The following EARS2 variants were observed in gnomAD, a reference collection of about 807,000 sequenced individuals.
EARS2 encodes glutamyl-tRNA synthetase 2, mitochondrial.
Under a neutral mutation model 54.1 loss-of-function variants are expected in EARS2, and 50 were observed. The observed-to-expected ratio is 0.92, with a 90% confidence interval of 0.74 to 1.17. EARS2 has a LOEUF of 1.17. Ranked by LOEUF, EARS2 falls within the 50% of genes most tolerant of loss-of-function variation. The pLI is 0.00. For synonymous variants in EARS2, 298 were observed against 281.0 expected, an observed-to-expected ratio of 1.06 and a Z score of -0.61; for missense variants, 673 against 675.0, an observed-to-expected ratio of 1.00 and a Z score of 0.03.
intron 8 of EARS2, chr16:23,524,896 A>G (rs1965199147): frequency 6.3e-6 from 3 of 476,590 alleles, no homozygotes; most frequent in Non-Finnish European, 3.7e-6. Flanking sequence ...CCACCTGCCT[A>G]GGCCTCCCAA....
In EARS2 at chr16:23,524,248, T is replaced by C. The variant is rs1965186587; in HGVS notation, c.*123A>G. ...TGCACTTGTGTGCAGTCAGAGATTGTTTCCACTCTTAGTTCCTTCAGCAAA... is the reference window on the plus strand; with the variant it reads ...TGCACTTGTGTGCAGTCAGAGATTGCTTCCACTCTTAGTTCCTTCAGCAAA... On this transcript the variant is annotated 3_prime_UTR_variant, in exon 9 of 9. Coordinates refer to ENST00000449606, the MANE Select transcript of EARS2 (RefSeq NM_001083614.2). The C allele has an allele frequency of 1.2e-6, 1 of 803,958 alleles. No individual in the cohort carries two copies. The highest frequency in any genetic ancestry group is 2.1e-6 in the Non-Finnish European group (1 of 467,548). 49.8% of individuals were successfully genotyped at this position (803,958 alleles called of 1,614,324 possible).
At chr16:23,542,240 C>T (rs144008877) in intron 3 of EARS2, among the ~76,000 whole-genome samples, 11 of 152,054 alleles carry the variant, frequency 7.2e-5, no homozygotes, top group Admixed American at 7.2e-4. Flanking sequence ...GTGATCTGCC[C>T]ACCTCCGCCC....
chr16:23,521,452 T>G lies in EARS2; in HGVS notation c.*2919A>C, dbSNP rs943631042. ...TCTTGCTCTGTTGCCCAGGTTAGAG[T>G]GCAGTAGTGCATTCATAGCTCACTG... On this transcript the variant is annotated 3_prime_UTR_variant, in exon 9 of 9. Coordinates refer to ENST00000449606, the MANE Select transcript of EARS2 (RefSeq NM_001083614.2). 6.6e-6 allele frequency among the ~76,000 whole-genome samples: 1 copy of G among 152,040 alleles called. No homozygotes were observed. The highest frequency in any genetic ancestry group is 1.5e-5 in the Non-Finnish European group (1 of 68,004).
At position 23,522,663 on chromosome 16, in the gene EARS2, C is replaced by T. The variant is rs1262742569; in HGVS notation, c.*1708G>A. On this transcript the variant is annotated 3_prime_UTR_variant, in exon 9 of 9. Transcript: ENST00000449606. The stretch of plus-strand genomic sequence containing the variant: ...CAAACTCTGTAATCGCCTTTCCACT[C>T]CCCTGGACAAAATAAATATATTGTC... 6.6e-6 allele frequency: 1 copy of T among 152,124 alleles called. No homozygotes were observed. The highest frequency in any genetic ancestry group is 2.4e-5 in the African/African-American group (1 of 41,412). 9.4% of individuals were successfully genotyped at this position (152,124 alleles called of 1,614,324 possible).
chr16:23,532,358 CATA>C (rs1567380543), intron 5 of EARS2, among the ~76,000 whole-genome samples: 1 of 152,104 alleles, frequency 6.6e-6, no homozygotes, highest in Non-Finnish European at 1.5e-5. Context: ...TGGCTAGGAA[CATA>C]ATGTTAATGA....
intron 7 of EARS2, 114 bp downstream of exon 7, chr16:23,529,388 T>C (rs748104284): frequency 7.4e-7 from 1 of 1,356,280 alleles, no homozygotes; most frequent in South Asian, 1.4e-5. Flanking sequence ...ACTTCTTCAC[T>C]GGCCATGGAG....
intron 2 of EARS2, among the ~76,000 whole-genome samples, chr16:23,547,958 C>T (rs1377691558): frequency 3.3e-5 from 5 of 151,790 alleles, no homozygotes; most frequent in African/African-American, 1.2e-4. Flanking sequence ...TAGCCAGGCG[C>T]GGTGGCTCAC....
chr16:23,526,970 A>T (rs1024347447), intron 7 of EARS2, among the ~76,000 whole-genome samples: 11 of 138,958 alleles, frequency 7.9e-5, no homozygotes, highest in African/African-American at 2.8e-4. Context: ...ATAATTAATT[A>T]TTTTTTTTTT....
chr16:23,531,587 A>C (rs1597010863), intron 5 of EARS2, among the ~76,000 whole-genome samples: 2 of 152,206 alleles, frequency 1.3e-5, no homozygotes, highest in African/African-American at 4.8e-5. Context: ...TAACCTCTCT[A>C]TGTCCTGGGT....
intron 2 of EARS2, among the ~76,000 whole-genome samples, chr16:23,548,233 C>CAATAAATAAATAAATA (rs10687580): frequency 1.4e-4 from 19 of 135,420 alleles, no homozygotes; most frequent in East Asian, 6.7e-4. Context: ...GACTCCATCT[C>CAATAAATAAATAAATA]AATAAATAAA....
intron 3 of EARS2, 42 bp downstream of exon 3, chr16:23,544,472 C>A (rs1245866849): frequency 1.9e-6 from 3 of 1,585,252 alleles, no homozygotes; most frequent in Non-Finnish European, 2.6e-6. Context: ...AACAAACACA[C>A]CCAATGTTGA....
At chr16:23,538,770 G>C (rs553119348) in intron 3 of EARS2, among the ~76,000 whole-genome samples, 54 of 152,156 alleles carry the variant, frequency 3.5e-4, no homozygotes, top group African/African-American at 1.2e-3. Flanking sequence ...GACTGAAGCA[G>C]GATTGCTTGA....
At chr16:23,531,119 G>A (rs1358385525) in intron 5 of EARS2, among the ~76,000 whole-genome samples, 3 of 148,410 alleles carry the variant, frequency 2.0e-5, no homozygotes, top group East Asian at 2.0e-4. Flanking sequence ...GGCTGATCTC[G>A]ACTCCTGACT....
At chr16:23,542,665 T>C (rs1460716499) in intron 3 of EARS2, among the ~76,000 whole-genome samples, 1 of 152,176 alleles carries the variant, frequency 6.6e-6, no homozygotes, top group African/African-American at 2.4e-5. Context: ...CTTTACACAT[T>C]ACTTTCTGAG....
At chr16:23,526,110 C>CTT (rs55859005) in intron 7 of EARS2, among the ~76,000 whole-genome samples, 2 of 119,992 alleles carry the variant, frequency 1.7e-5, no homozygotes, top group South Asian at 2.7e-4. Context: ...GAAATATTAC[C>CTT]TTTTTTTTTT....
chr16:23,533,669 C>T (rs1965363631), intron 4 of EARS2, among the ~76,000 whole-genome samples: 1 of 152,190 alleles, frequency 6.6e-6, no homozygotes, highest in African/African-American at 2.4e-5. Context: ...ACGCCCATTG[C>T]CTGGCTGTAC....
intron 2 of EARS2, chr16:23,546,492 T>C (rs1965605481): frequency 2.2e-6 from 1 of 452,966 alleles, no homozygotes. Context: ...GAGACTAGAG[T>C]AAGATGATCT....
chr16:23,527,513 A>G (rs1965249115), intron 7 of EARS2, among the ~76,000 whole-genome samples: 1 of 151,822 alleles, frequency 6.6e-6, no homozygotes, highest in African/African-American at 2.4e-5. Context: ...TCAGCACTGA[A>G]GCAGATGAGT....
chr16:23,538,052 G>A (rs889945758), intron 3 of EARS2, among the ~76,000 whole-genome samples: 12 of 151,546 alleles, frequency 7.9e-5, no homozygotes, highest in African/African-American at 2.9e-4. Context: ...CAAAGTGCTG[G>A]GATTACAGGC....
Sources: gnomAD v4.1 joint callset for allele counts (sites outside exome capture counted in the v4.1 genomes callset) on GRCh38, gnomAD v4.1.1 for gene constraint, MANE v1.5 for transcripts, NCBI Gene and HGNC (gene_info 2026-07-23, HGNC 2026-07-21) for gene names.